DDAH1: variants seen among roughly 807,000 people sequenced by gnomAD.
The protein encoded by DDAH1 is N(G),N(G)-dimethylarginine dimethylaminohydrolase 1.
DDAH1 carries 19 observed loss-of-function variants against 28.8 expected under a neutral mutation model. The observed-to-expected ratio is 0.66, with a 90% CI of 0.46 to 0.97. DDAH1 has a LOEUF of 0.97. Ranked by LOEUF, DDAH1 falls within the 50% of genes least tolerant of loss-of-function variation. The probability of loss-of-function intolerance (pLI) is 0.00; values close to 1 mark genes in which losing one functional copy is unlikely to be tolerated. For missense variants in DDAH1, 326 were observed against 375.9 expected, an observed-to-expected ratio of 0.87 and a Z score of 1.10; for synonymous variants, 153 against 154.4, an observed-to-expected ratio of 0.99 and a Z score of 0.07.
At position 85,465,096 on chromosome 1, in the gene DDAH1, G is replaced by GC; in HGVS notation, c.-52dup. On this transcript the variant is annotated 5_prime_UTR_variant, in exon 1 of 6. Transcript: ENST00000284031. The stretch of plus-strand genomic sequence containing the variant: ...GCGGCGGCGGAGGCGGCCGGGTCCT[G>GC]CCGCGGGCAGCGCGCGCTGAGCCTG... 1 of 1,196,494 alleles carries GC rather than the reference G, an allele frequency of 8.4e-7. No homozygotes were observed. The highest frequency in any genetic ancestry group is 1.0e-6 in the Non-Finnish European group (1 of 966,326). 74.1% of individuals were successfully genotyped at this position (1,196,494 alleles called of 1,614,324 possible). A position where few individuals can be genotyped will look rare whatever the true frequency, so the allele number is the denominator to read the frequency against.
At chr1:85,443,001 C>A (rs1654270628) in intron 1 of DDAH1, among the ~76,000 whole-genome samples, 1 of 152,126 alleles carries the variant, frequency 6.6e-6, no homozygotes, top group East Asian at 1.9e-4. Flanking sequence ...ATGGTAGTTT[C>A]TTTTGTCATG....
At chr1:85,413,760 C>T (rs1452745442) in intron 1 of DDAH1, among the ~76,000 whole-genome samples, 2 of 152,178 alleles carry the variant, frequency 1.3e-5, no homozygotes, top group Admixed American at 1.3e-4. Flanking sequence ...TAAGAGACTG[C>T]AGAGTGAGGA....
intron 1 of DDAH1, among the ~76,000 whole-genome samples, chr1:85,401,485 T>G (rs1034823213): frequency 3.5e-5 from 5 of 141,172 alleles, no homozygotes; most frequent in African/African-American, 1.0e-4. Flanking sequence ...CAGCTTTTCT[T>G]TTTTCTTTTT....
In DDAH1 at chr1:85,392,811, A is replaced by AAAAAAAAAAAAAAAAAG; in HGVS notation, c.304-33965_304-33964insCTTTTTTTTTTTTTTTT. On this transcript the variant is annotated intron_variant, in intron 1 of 5. Transcript: ENST00000284031. Reference sequence around the variant, plus strand: ...TGTCTAAAAAAAAAAAAAAAAAAAAAAAAAAAGAAAGAAAATGAACCCCTG... The same window carrying AAAAAAAAAAAAAAAAAG: ...TGTCTAAAAAAAAAAAAAAAAAAAAAAAAAAAAAAAAAAAAAGAAAAAAGAAAGAAAATGAACCCCTG... Among the ~76,000 whole-genome samples the AAAAAAAAAAAAAAAAAG allele has an allele frequency of 1.4e-5, 2 of 139,726 alleles. 1 individual carries two copies. The highest frequency in any genetic ancestry group is 3.1e-5 in the Non-Finnish European group (2 of 65,032). 91.7% of individuals were successfully genotyped at this position (139,726 alleles called of 152,430 possible).
At chr1:85,544,002 AT>A (rs1658545808) in intron 1 of DDAH1, among the ~76,000 whole-genome samples, 3 of 152,174 alleles carry the variant, frequency 2.0e-5, no homozygotes, top group Admixed American at 2.0e-4. Context: ...ATTTTATAGT[AT>A]TTTTGGTTCA....
At chr1:85,509,135 C>A (rs1657133761) in intron 1 of DDAH1, among the ~76,000 whole-genome samples, 1 of 152,190 alleles carries the variant, frequency 6.6e-6, no homozygotes, top group South Asian at 2.1e-4. Context: ...AAGGATCAGG[C>A]AACAATATTT....
At chr1:85,465,963 A>C (rs1655364338), upstream of DDAH1, among the ~76,000 whole-genome samples, 1 of 152,172 alleles carries the variant, frequency 6.6e-6, no homozygotes, top group South Asian at 2.1e-4. Flanking sequence ...CTACAGCAGC[A>C]CCCTTGTTCC....
At chr1:85,490,115 TC>T (rs1455255654) in intron 2 of DDAH1, among the ~76,000 whole-genome samples, 1 of 152,120 alleles carries the variant, frequency 6.6e-6, no homozygotes, top group Non-Finnish European at 1.5e-5. Context: ...AAGTTAGTTT[TC>T]TAAGGAGGTA....
chr1:85,545,380 G>A (rs1240870311), intron 1 of DDAH1, among the ~76,000 whole-genome samples: 3 of 152,164 alleles, frequency 2.0e-5, no homozygotes, highest in African/African-American at 7.2e-5. Flanking sequence ...AAGATGAAGG[G>A]AGTAATTTCC....
intron 4 of DDAH1, among the ~76,000 whole-genome samples, chr1:85,325,275 G>A (rs1401153759): frequency 1.3e-5 from 2 of 152,058 alleles, no homozygotes; most frequent in East Asian, 1.9e-4. Flanking sequence ...AGGAAAGAAG[G>A]GCCATACCAG....
At chr1:85,505,055 G>A (rs549011771) in intron 1 of DDAH1, among the ~76,000 whole-genome samples, 1 of 122,898 alleles carries the variant, frequency 8.1e-6, no homozygotes, top group Non-Finnish European at 1.6e-5. Context: ...GCGTGATCTC[G>A]GCTCACTGCA....
chr1:85,448,762 AAC>A (rs1161844305), intron 1 of DDAH1, among the ~76,000 whole-genome samples: 1 of 152,212 alleles, frequency 6.6e-6, no homozygotes, highest in Non-Finnish European at 1.5e-5. Flanking sequence ...ATCTATCAAA[AAC>A]AGTTTTGACA....
chr1:85,335,869 G>C (rs1648073959), intron 4 of DDAH1, among the ~76,000 whole-genome samples: 1 of 152,046 alleles, frequency 6.6e-6, no homozygotes, highest in South Asian at 2.1e-4. Context: ...GGCTGAGGTG[G>C]GAGGATGGCT....
chr1:85,381,131 G>A (rs921775590), intron 1 of DDAH1, among the ~76,000 whole-genome samples: 3 of 151,466 alleles, frequency 2.0e-5, no homozygotes, highest in Admixed American at 6.6e-5. Context: ...CCAGCTACTC[G>A]GGTGAGACAG....
intron 2 of DDAH1, among the ~76,000 whole-genome samples, chr1:85,473,744 C>T (rs1226933919): frequency 6.6e-6 from 1 of 152,230 alleles, no homozygotes. Context: ...CTCTCTCCCT[C>T]TGCTTCTACT....
intron 1 of DDAH1, among the ~76,000 whole-genome samples, chr1:85,564,712 A>G (rs535796956): frequency 1.3e-5 from 2 of 152,104 alleles, no homozygotes; most frequent in South Asian, 4.2e-4. Flanking sequence ...TACTAAAAAT[A>G]CAAACAAATG....
chr1:85,534,133 A>C (rs1360051448), intron 1 of DDAH1, among the ~76,000 whole-genome samples: 7 of 152,214 alleles, frequency 4.6e-5, no homozygotes, highest in Admixed American at 4.6e-4. Flanking sequence ...AATTCTTTGC[A>C]TTCTACAGGC....
intron 1 of DDAH1, among the ~76,000 whole-genome samples, chr1:85,440,769 C>T (rs1570547467): frequency 6.6e-6 from 1 of 152,218 alleles, no homozygotes; most frequent in South Asian, 2.1e-4. Flanking sequence ...CATCAACCCC[C>T]TTAACACTAC....
chr1:85,461,423 T>C (rs1204762350), intron 1 of DDAH1, among the ~76,000 whole-genome samples: 4 of 152,138 alleles, frequency 2.6e-5, no homozygotes, highest in African/African-American at 9.7e-5. Context: ...AGAAAAGTCA[T>C]TAAATGAAAC....
Sources: gnomAD v4.1 joint callset for allele counts (sites outside exome capture counted in the v4.1 genomes callset) on GRCh38, gnomAD v4.1.1 for gene constraint, MANE v1.5 for transcripts, NCBI Gene and HGNC (gene_info 2026-07-23, HGNC 2026-07-21) for gene names.